The following SLC35B4 variants were observed in gnomAD, a reference collection of about 807,000 sequenced individuals.
SLC35B4 encodes nucleotide sugar transporter SLC35B4.
Under a neutral mutation model 39.5 loss-of-function variants are expected in SLC35B4, and 28 were observed. The observed-to-expected ratio is 0.71, with a 90% CI of 0.53 to 0.97. The LOEUF (loss-of-function observed/expected upper bound fraction) is 0.97. SLC35B4 is among the 50% of genes least tolerant of loss of function. The pLI, the probability that SLC35B4 is intolerant of heterozygous loss-of-function variation, is 0.00. For missense variants in SLC35B4, 334 were observed against 414.3 expected (o/e 0.81, Z 1.68); for synonymous variants, 145 against 150.4 (o/e 0.96, Z 0.26).
rs1247549868 is a variant in SLC35B4 at position 134,293,410 on chromosome 7, A to C, written c.*1423T>G. On this transcript the variant is annotated 3_prime_UTR_variant, in exon 10 of 10. Coordinates refer to ENST00000378509, the MANE Select transcript of SLC35B4 (RefSeq NM_032826.5). ...AAACTGGACCTCTGAAATGATTAGC[A>C]AAGAGAGGCATGTTTCCACACACAA... 2 of 152,220 alleles carry C rather than the reference A, an allele frequency of 1.3e-5. No individual in the cohort carries two copies. The highest frequency in any genetic ancestry group is 3.8e-4 in the East Asian group (2 of 5,200). 9.4% of individuals were successfully genotyped at this position (152,220 alleles called of 1,614,324 possible).
rs748564791 is a variant in SLC35B4 at position 134,296,418 on chromosome 7, A to G, written c.722T>C (p.Phe241Ser). ...VIGVTLPIMW[F>S]YLLMNIITQY... ...AGTGATGATGTTCATGAGGAGGTAG[A>G]ACCACATGATGGGCAGGGTCACTCC... is the stretch of plus-strand genomic sequence containing the variant. Residue 241 changes from phenylalanine to serine, a missense_variant, in exon 9 of 10, where the codon TTC becomes TCC. Coordinates refer to ENST00000378509, the MANE Select transcript of SLC35B4 (RefSeq NM_032826.5). 10 of 1,614,090 alleles carry G rather than the reference A, an allele frequency of 6.2e-6. No homozygotes were observed. The East Asian group carries it at 2.0e-4, about 32-fold the overall frequency.
At chr7:134,305,128 C>T (rs145592387) in intron 3 of SLC35B4, among the ~76,000 whole-genome samples, 90 of 152,234 alleles carry the variant, frequency 5.9e-4, no homozygotes, top group Middle Eastern at 3.4e-3. Flanking sequence ...TTGAGACCAG[C>T]CCGGCCAACA....
At chr7:134,304,764 G>T (rs1213507377) in intron 4 of SLC35B4, 41 bp downstream of exon 4, 3 of 1,476,428 alleles carry the variant, frequency 2.0e-6, no homozygotes, top group Non-Finnish European at 1.9e-6. Context: ...GGGGCTCAGG[G>T]TATCATTTCC....
intron 1 of SLC35B4, among the ~76,000 whole-genome samples, chr7:134,310,914 C>T (rs1035515648): frequency 3.3e-5 from 5 of 152,158 alleles, no homozygotes; most frequent in African/African-American, 1.2e-4. Flanking sequence ...TGTATTATTA[C>T]ATATTAATAT....
At position 134,306,794 on chromosome 7, in the gene SLC35B4, G is replaced by T; in HGVS notation, c.192-20C>A. On this transcript the variant is annotated intron_variant, in intron 2 of 9. Coordinates refer to ENST00000378509, the MANE Select transcript of SLC35B4 (RefSeq NM_032826.5). The stretch of plus-strand genomic sequence containing the variant: ...TAGTACCTGAAATGCAGACAGAACA[G>T]CTCATCAAACAGAATCTAGGATTTC... 6.4e-7 allele frequency: 1 copy of T among 1,568,128 alleles called. No individual in the cohort carries two copies. Among genetic ancestry groups the T allele is most frequent in the Non-Finnish European group, 8.7e-7 (1 of 1,143,814 alleles).
chr7:134,304,899 A>C lies in SLC35B4; in HGVS notation c.295-45T>G, dbSNP rs752581045. ...TAACAGAGAGGTTTAGTGCACTAGG[A>C]AAAAAACAACGTAATTCGAGAGAAT... On this transcript the variant is annotated intron_variant, in intron 3 of 9. Transcript: ENST00000378509. 2.7e-6 allele frequency: 4 copies of C among 1,469,598 alleles called. No homozygotes were observed. In the South Asian group the frequency reaches 3.5e-5, roughly 13 times the overall value. The allele number at this position is 1,469,598 out of a possible 1,614,324, so 91.0% of individuals were successfully genotyped here.
chr7:134,319,562 C>T (rs1279954474), upstream of SLC35B4, among the ~76,000 whole-genome samples: 2 of 152,134 alleles, frequency 1.3e-5, no homozygotes, highest in East Asian at 3.9e-4. Flanking sequence ...GCGATTTCAC[C>T]TCTGGAACTT....
intron 3 of SLC35B4, 117 bp downstream of exon 3, chr7:134,306,555 T>C (rs1318006343): frequency 5.8e-6 from 4 of 693,264 alleles, no homozygotes; most frequent in Non-Finnish European, 9.1e-6. Flanking sequence ...TTCACAAACC[T>C]ATTCTTCTAC....
At position 134,294,235 on chromosome 7, in the gene SLC35B4, G is replaced by C. The variant is rs1803405018; in HGVS notation, c.*598C>G. 1.3e-5 allele frequency: 2 copies of C among 152,410 alleles called. No individual in the cohort carries two copies. The highest frequency in any genetic ancestry group is 4.8e-5 in the African/African-American group (2 of 41,368). 9.4% of individuals were successfully genotyped at this position (152,410 alleles called of 1,614,324 possible). On this transcript the variant is annotated 3_prime_UTR_variant, in exon 10 of 10. Transcript: ENST00000378509. The stretch of plus-strand genomic sequence containing the variant: ...AATGTGGGAAAGAGGAGTCCCACTA[G>C]TCTTGCTGCACTGTCACTGGGAATC...
Position 134,306,788 on chromosome 7 carries a change from A to G in SLC35B4, c.192-14T>C, listed in dbSNP as rs779430251. 1.3e-6 allele frequency: 2 copies of G among 1,581,162 alleles called. No homozygotes were observed. Among genetic ancestry groups the G allele is most frequent in the Admixed American group, 3.4e-5 (2 of 57,974 alleles). ...ATGGCATAGTACCTGAAATGCAGACAGAACAGCTCATCAAACAGAATCTAG... is the reference window on the plus strand; with the variant it reads ...ATGGCATAGTACCTGAAATGCAGACGGAACAGCTCATCAAACAGAATCTAG... On this transcript the variant is annotated splice_polypyrimidine_tract_variant and intron_variant, in intron 2 of 9. Coordinates refer to ENST00000378509, the MANE Select transcript of SLC35B4 (RefSeq NM_032826.5).
At position 134,294,968 on chromosome 7, in the gene SLC35B4, G is replaced by A; in HGVS notation, c.861C>T (p.Tyr287=). 6.2e-7 allele frequency: 1 copy of A among 1,614,218 alleles called. No homozygotes were observed. The highest frequency in any genetic ancestry group is 8.5e-7 in the Non-Finnish European group (1 of 1,180,036). Residue 287 remains tyrosine (Y), a synonymous_variant, in exon 10 of 10, where the codon TAC becomes TAT. Coordinates refer to ENST00000378509, the MANE Select transcript of SLC35B4 (RefSeq NM_032826.5). Reference sequence around the variant, plus strand: ...GCCACAGGGTGAAGGGGTTCTGGAAGTACAAGATGGAAAAGATGAGGCTCA... The same window carrying A: ...GCCACAGGGTGAAGGGGTTCTGGAAATACAAGATGGAAAAGATGAGGCTCA... ...KFVSLIFSIL[Y]FQNPFTLWHW...
upstream of SLC35B4, among the ~76,000 whole-genome samples, chr7:134,317,588 C>T (rs1804019278): frequency 6.6e-6 from 1 of 152,214 alleles, no homozygotes; most frequent in South Asian, 2.1e-4. Flanking sequence ...AGTCAAATCA[C>T]CTGGGGGCTT....
chr7:134,294,244 C>T lies in SLC35B4; in HGVS notation c.*589G>A, dbSNP rs1585631344. 6.6e-6 allele frequency: 1 copy of T among 152,248 alleles called. No individual in the cohort carries two copies. Among genetic ancestry groups the T allele is most frequent in the African/African-American group, 2.4e-5 (1 of 41,286 alleles). 9.4% of individuals were successfully genotyped at this position (152,248 alleles called of 1,614,324 possible). The stretch of plus-strand genomic sequence containing the variant: ...AAGAGGAGTCCCACTAGTCTTGCTG[C>T]ACTGTCACTGGGAATCAGCTCAGGG... On this transcript the variant is annotated 3_prime_UTR_variant, in exon 10 of 10. Transcript: ENST00000378509.
Position 134,300,280 on chromosome 7 carries a change from G to A in SLC35B4, c.488-19C>T. The A allele has an allele frequency of 2.0e-6, 3 of 1,526,610 alleles. No individual in the cohort carries two copies. 94.6% of individuals were successfully genotyped at this position (1,526,610 alleles called of 1,614,324 possible). A position where few individuals can be genotyped will look rare whatever the true frequency, so the allele number is the denominator to read the frequency against. ...CCAATACCTAAAAAACAAACATCAG[G>A]TGACAAGATGTCTGCATTTGTTCAT... On this transcript the variant is annotated intron_variant, in intron 6 of 9. Coordinates refer to ENST00000378509, the MANE Select transcript of SLC35B4 (RefSeq NM_032826.5).
intron 3 of SLC35B4, among the ~76,000 whole-genome samples, chr7:134,306,326 AAAG>A (rs1299487616): frequency 6.6e-6 from 1 of 152,180 alleles, no homozygotes; most frequent in East Asian, 1.9e-4. Flanking sequence ...TACTTTTATG[AAAG>A]AAGAAGAGAT....
rs894679398 is a variant in SLC35B4, at chr7:134,294,352, T to A, written c.*481A>T. The A allele has an allele frequency of 6.3e-6, 1 of 157,900 alleles. No homozygotes were observed. Among genetic ancestry groups the A allele is most frequent in the East Asian group, 1.8e-4 (1 of 5,542 alleles). The allele number at this position is 157,900 out of a possible 1,614,324, so 9.8% of individuals were successfully genotyped here. On this transcript the variant is annotated 3_prime_UTR_variant, in exon 10 of 10. Coordinates refer to ENST00000378509, the MANE Select transcript of SLC35B4 (RefSeq NM_032826.5). ...TCTCGGTTTACTTGGCCACTCCTGG[T>A]GATAGTGGTGCCTGCAGCGTCTGAC... is the stretch of plus-strand genomic sequence containing the variant.
At chr7:134,301,845 G>A in intron 5 of SLC35B4, 24 bp from the exon 6 acceptor site, 5 of 1,609,718 alleles carry the variant, frequency 3.1e-6, no homozygotes, top group Non-Finnish European at 4.3e-6. Context: ...AAATAAACTA[G>A]GTACAGAGAG....
At chr7:134,296,205 C>G (rs1043528223) in intron 9 of SLC35B4, among the ~76,000 whole-genome samples, 186 bp downstream of exon 9, 1 of 152,220 alleles carries the variant, frequency 6.6e-6, no homozygotes, top group Non-Finnish European at 1.5e-5. Flanking sequence ...ACCTACTACA[C>G]CACTAGCATC....
upstream of SLC35B4, among the ~76,000 whole-genome samples, chr7:134,317,458 G>C (rs777078162): frequency 2.6e-5 from 4 of 152,136 alleles, no homozygotes; most frequent in Non-Finnish European, 4.4e-5. Context: ...CACCCCCAGC[G>C]ATTCTGATTT....
Sources: allele counts gnomAD v4.1 joint callset (sites outside exome capture counted in the v4.1 genomes callset), GRCh38; gene constraint gnomAD v4.1.1; transcripts MANE v1.5; gene names NCBI Gene and HGNC (gene_info 2026-07-23, HGNC 2026-07-21).